Variants in ALK observed in about 807,000 individuals in gnomAD.
ALK encodes ALK receptor tyrosine kinase, also known as ALK tyrosine kinase receptor.
In ALK, 74 loss-of-function variants were observed where a neutral mutation model predicts 163.1. The ratio of observed to expected loss-of-function variants is 0.45; its 90% confidence interval spans 0.38 to 0.55. ALK has a LOEUF of 0.55. Ranked by LOEUF, ALK falls within the 20% of genes least tolerant of loss-of-function variation. The pLI, the probability that ALK is intolerant of heterozygous loss-of-function variation, is 0.00. For synonymous variants in ALK, 960 were observed against 843.2 expected, an observed-to-expected ratio of 1.14 and a Z score of -2.40; for missense variants, 2,063 against 2,105.3, an observed-to-expected ratio of 0.98 and a Z score of 0.39.
intron 24 of ALK, among the ~76,000 whole-genome samples, chr2:29,212,062 C>T (rs1193507866): frequency 6.6e-6 from 1 of 152,062 alleles, no homozygotes; most frequent in Non-Finnish European, 1.5e-5. Context: ...GGAAATGATC[C>T]CTCAGCCAGA....
intron 9 of ALK, among the ~76,000 whole-genome samples, chr2:29,292,945 T>G (rs1214942658): frequency 1.3e-5 from 2 of 152,152 alleles, no homozygotes; most frequent in African/African-American, 4.8e-5. Flanking sequence ...CCCTTTTCTC[T>G]CAAGTGCACA....
At chr2:29,670,558 G>C (rs1356757062) in intron 3 of ALK, among the ~76,000 whole-genome samples, 1 of 151,988 alleles carries the variant, frequency 6.6e-6, no homozygotes, top group African/African-American at 2.4e-5. Context: ...CCAAGTTTGA[G>C]GAAGTTTTCT....
chr2:29,556,794 A>G (rs1673873800), intron 3 of ALK, among the ~76,000 whole-genome samples: 1 of 152,218 alleles, frequency 6.6e-6, no homozygotes, highest in South Asian at 2.1e-4. Flanking sequence ...CTCAAGGCTT[A>G]TTACTAGCCC....
chr2:29,506,565 T>C (rs1280853522), intron 4 of ALK, among the ~76,000 whole-genome samples: 1 of 151,888 alleles, frequency 6.6e-6, no homozygotes, highest in African/African-American at 2.4e-5. Context: ...GCCAACACGG[T>C]GAAACCCCAT....
chr2:29,394,243 AT>A (rs1375958753), intron 4 of ALK, among the ~76,000 whole-genome samples: 1 of 152,058 alleles, frequency 6.6e-6, no homozygotes, highest in Non-Finnish European at 1.5e-5. Context: ...TCTGGTTTGT[AT>A]AAAAAATATA....
chr2:29,276,235 TG>T (rs1234493721), intron 9 of ALK, among the ~76,000 whole-genome samples: 1 of 152,182 alleles, frequency 6.6e-6, no homozygotes, highest in Non-Finnish European at 1.5e-5. Context: ...CTATCACCCC[TG>T]GAAGTGTTGT....
rs76301615 is a variant in ALK, at chr2:29,856,779, G to T, written c.667+63214C>A. Among the ~76,000 whole-genome samples the T allele has an allele frequency of 7.6e-3, 1,156 of 152,314 alleles. 13 individuals carry two copies. The highest frequency in any genetic ancestry group is 0.026 in the African/African-American group (1,065 of 41,572). On this transcript the variant is annotated intron_variant, in intron 1 of 28. Coordinates refer to ENST00000389048, the MANE Select transcript of ALK (RefSeq NM_004304.5). ...GAAGGAGAAAAGAAACGGATCCTGTGTCCTTCCAGAGGACAAACAACTGTG... is the reference window on the plus strand; with the variant it reads ...GAAGGAGAAAAGAAACGGATCCTGTTTCCTTCCAGAGGACAAACAACTGTG...
chr2:29,695,795 C>A (rs1678539775), intron 2 of ALK, among the ~76,000 whole-genome samples: 1 of 152,096 alleles, frequency 6.6e-6, no homozygotes, highest in Non-Finnish European at 1.5e-5. Context: ...TAGAGAAATG[C>A]AAATCAAAAC....
chr2:29,380,996 G>A (rs1282368869), intron 5 of ALK, among the ~76,000 whole-genome samples: 1 of 152,206 alleles, frequency 6.6e-6, no homozygotes, highest in Non-Finnish European at 1.5e-5. Flanking sequence ...GTGGTAAAAG[G>A]AACAGGAAGA....
chr2:29,534,222 G>A (rs1426478151), intron 3 of ALK, among the ~76,000 whole-genome samples: 1 of 152,186 alleles, frequency 6.6e-6, no homozygotes, highest in African/African-American at 2.4e-5. Flanking sequence ...ATCTGTTATG[G>A]TGGGGGCAAG....
At chr2:29,672,575 A>G (rs867461734) in intron 3 of ALK, among the ~76,000 whole-genome samples, 4 of 150,680 alleles carry the variant, frequency 2.7e-5, no homozygotes, top group Admixed American at 6.6e-5. Flanking sequence ...CCAGTCTATC[A>G]TTGTTGGACA....
intron 5 of ALK, among the ~76,000 whole-genome samples, chr2:29,331,012 T>C (rs1021640863): frequency 6.6e-6 from 1 of 152,188 alleles, no homozygotes; most frequent in Non-Finnish European, 1.5e-5. Flanking sequence ...CAATAGAGAA[T>C]GAACACTCCA....
chr2:29,422,612 T>C (rs1216931180), intron 4 of ALK, among the ~76,000 whole-genome samples: 2 of 152,232 alleles, frequency 1.3e-5, no homozygotes, highest in Admixed American at 6.5e-5. Context: ...TGCTTAAGAA[T>C]TTTTGTTTAG....
intron 16 of ALK, among the ~76,000 whole-genome samples, chr2:29,228,676 C>T (rs2148180151): frequency 6.6e-6 from 1 of 151,654 alleles, no homozygotes; most frequent in South Asian, 2.1e-4. Context: ...TTGATGCTGT[C>T]GCTGAGGAAG....
At chr2:29,465,061 A>G (rs1558336069) in intron 4 of ALK, among the ~76,000 whole-genome samples, 1 of 152,244 alleles carries the variant, frequency 6.6e-6, no homozygotes, top group Middle Eastern at 3.2e-3. Flanking sequence ...CTTTAAGTTC[A>G]CAGAGCCAAG....
chr2:29,902,688 C>A (rs1667446828), intron 1 of ALK, among the ~76,000 whole-genome samples: 1 of 152,204 alleles, frequency 6.6e-6, no homozygotes, highest in African/African-American at 2.4e-5. Flanking sequence ...ACAAACTGGA[C>A]TGACCTTGTG....
chr2:29,752,574 T>A (rs893983271), intron 1 of ALK, among the ~76,000 whole-genome samples: 2 of 151,912 alleles, frequency 1.3e-5, no homozygotes, highest in Non-Finnish European at 2.9e-5. Flanking sequence ...GGTCTCGATC[T>A]CCTGACCTCG....
At chr2:29,768,514 T>A (rs1368050409) in intron 1 of ALK, among the ~76,000 whole-genome samples, 1 of 152,132 alleles carries the variant, frequency 6.6e-6, no homozygotes, top group Admixed American at 6.5e-5. Flanking sequence ...AGGAAAATAA[T>A]ACACTGATGG....
At chr2:29,764,112 G>A (rs1680791272) in intron 1 of ALK, among the ~76,000 whole-genome samples, 1 of 152,128 alleles carries the variant, frequency 6.6e-6, no homozygotes, top group Non-Finnish European at 1.5e-5. Context: ...ATTGTTACCA[G>A]TGCAGTCCCT....
Sources: allele counts gnomAD v4.1 joint callset (sites outside exome capture counted in the v4.1 genomes callset), GRCh38; gene constraint gnomAD v4.1.1; transcripts MANE v1.5; gene names NCBI Gene and HGNC (gene_info 2026-07-23, HGNC 2026-07-21).